SLC5A4: variants seen among roughly 807,000 people sequenced by gnomAD.
SLC5A4 encodes probable glucose sensor protein SLC5A4.
SLC5A4 carries 55 observed loss-of-function variants against 70.3 expected under a neutral mutation model. That is an observed-to-expected ratio of 0.78 (90% CI 0.63 to 0.98). The LOEUF (loss-of-function observed/expected upper bound fraction) is 0.98, where lower values mean the gene tolerates loss of function less well. Among genes scored for constraint, SLC5A4 ranks in the 50% least tolerant of loss-of-function variants. The pLI is 0.00. For synonymous variants in SLC5A4, 268 were observed against 305.7 expected (o/e 0.88, Z 1.29); for missense variants, 735 against 839.2 (o/e 0.88, Z 1.53).
At chr22:32,268,324 C>T in the SLC5A4 span, 7 of 152,076 alleles carry the variant, frequency 4.6e-5, no homozygotes, top group East Asian at 1.9e-4. Context: ...AGAAGCGAGT[C>T]GATGTCTCAT....
At chr22:32,278,530 G>A in the SLC5A4 span, among the ~76,000 whole-genome samples, 1 of 152,020 alleles carries the variant, frequency 6.6e-6, no homozygotes. Context: ...GTTTTGTTTT[G>A]GTTAGAAAAT....
chr22:32,253,768 A>G (rs1196887610), intron 2 of SLC5A4, among the ~76,000 whole-genome samples: 2 of 151,514 alleles, frequency 1.3e-5, no homozygotes, highest in African/African-American at 4.9e-5. Flanking sequence ...CAACATTCCC[A>G]ATGTTGTCTA....
chr22:32,340,211 A>G, the SLC5A4 span, among the ~76,000 whole-genome samples: 3 of 152,198 alleles, frequency 2.0e-5, no homozygotes, highest in Non-Finnish European at 2.9e-5. Context: ...GGGAGGCTAA[A>G]TGGCACAATT....
chr22:32,235,853 G>A (rs1460328477), intron 7 of SLC5A4, among the ~76,000 whole-genome samples: 1 of 152,170 alleles, frequency 6.6e-6, no homozygotes, highest in Non-Finnish European at 1.5e-5. Context: ...TTAGCTGAAG[G>A]ACTACTATGC....
At chr22:32,249,247 C>G (rs140600947) in intron 3 of SLC5A4, among the ~76,000 whole-genome samples, 1 of 152,170 alleles carries the variant, frequency 6.6e-6, no homozygotes, top group South Asian at 2.1e-4. Flanking sequence ...AGAGAGTCTT[C>G]ACATAGATCA....
chr22:32,218,538 G>C lies in SLC5A4; in HGVS notation c.1956C>G (p.Val652=). 6.3e-7 allele frequency: 1 copy of C among 1,584,584 alleles called. No individual in the cohort carries two copies. The highest frequency in any genetic ancestry group is 8.6e-7 in the Non-Finnish European group (1 of 1,163,714). ...TTCAGGCATAGTAGCCGTGAATAAA[G>C]ACCACCACAGCCAGGAGGAGGATGG... ...INAILLLAVV[V]FIHGYYA Residue 652 remains valine, a synonymous_variant, in exon 15 of 15, where the codon GTC becomes GTG. Coordinates refer to ENST00000266086, the MANE Select transcript of SLC5A4 (RefSeq NM_014227.3).
the SLC5A4 span, among the ~76,000 whole-genome samples, chr22:32,338,262 C>T: frequency 2.0e-5 from 3 of 152,172 alleles, no homozygotes; most frequent in African/African-American, 4.8e-5. Flanking sequence ...CTTCAAACCT[C>T]AACTGTCCTG....
chr22:32,239,364 T>C (rs538175889), intron 5 of SLC5A4, among the ~76,000 whole-genome samples: 28 of 150,402 alleles, frequency 1.9e-4, no homozygotes, highest in African/African-American at 6.3e-4. Context: ...GAACTTTTTC[T>C]GTATCATGAG....
the SLC5A4 span, among the ~76,000 whole-genome samples, chr22:32,282,883 C>T: frequency 6.6e-6 from 1 of 152,224 alleles, no homozygotes; most frequent in Non-Finnish European, 1.5e-5. Context: ...CTGATGGCTT[C>T]TCTCCACCCG....
the SLC5A4 span, among the ~76,000 whole-genome samples, chr22:32,326,268 G>A: frequency 2.4e-4 from 33 of 137,294 alleles, no homozygotes; most frequent in African/African-American, 4.2e-4. Context: ...GAGCCTTCAC[G>A]TATTTTTTTT....
At chr22:32,273,575 G>T in the SLC5A4 span, 1 of 152,296 alleles carries the variant, frequency 6.6e-6, no homozygotes, top group Non-Finnish European at 1.5e-5. Context: ...ATGTTTATTT[G>T]TATGCATCTA....
intron 3 of SLC5A4, among the ~76,000 whole-genome samples, chr22:32,249,830 C>A (rs1927038139): frequency 6.6e-6 from 1 of 152,206 alleles, no homozygotes; most frequent in South Asian, 2.1e-4. Context: ...ACTTGTCCAA[C>A]CTGTGGCCCA....
chr22:32,267,927 A>G, the SLC5A4 span, among the ~76,000 whole-genome samples: 1 of 152,232 alleles, frequency 6.6e-6, no homozygotes, highest in South Asian at 2.1e-4. Flanking sequence ...GATTGAGACC[A>G]TCCTGGCTAA....
At chr22:32,304,752 TTCTC>T in the SLC5A4 span, among the ~76,000 whole-genome samples, 10 of 152,356 alleles carry the variant, frequency 6.6e-5, no homozygotes, top group South Asian at 1.7e-3. Flanking sequence ...AACTTATCAA[TTCTC>T]TCTTTCATAG....
chr22:32,306,310 A>T, the SLC5A4 span, among the ~76,000 whole-genome samples: 1 of 140,800 alleles, frequency 7.1e-6, no homozygotes, highest in Non-Finnish European at 1.5e-5. Flanking sequence ...CTAAAAATAC[A>T]AAAAATTAGC....
the SLC5A4 span, among the ~76,000 whole-genome samples, chr22:32,354,732 A>G: frequency 6.6e-6 from 1 of 151,870 alleles, no homozygotes; most frequent in Non-Finnish European, 1.5e-5. Context: ...ACCACATCCA[A>G]CCAGCCTCCT....
intron 8 of SLC5A4, 64 bp downstream of exon 8, chr22:32,234,809 T>C: frequency 1.7e-6 from 2 of 1,171,698 alleles, no homozygotes; most frequent in East Asian, 2.3e-5. Flanking sequence ...AACAAGCACA[T>C]GCACACATAC....
chr22:32,300,332 C>G, the SLC5A4 span, among the ~76,000 whole-genome samples: 1 of 151,452 alleles, frequency 6.6e-6, no homozygotes, highest in Non-Finnish European at 1.5e-5. Context: ...GTAGGACCCT[C>G]TGAGCCAGGT....
In SLC5A4 at chr22:32,238,627, T is replaced by C. The variant is rs116685921; in HGVS notation, c.583+358A>G. Among the ~76,000 whole-genome samples the C allele has an allele frequency of 8.5e-3, 1,301 of 152,278 alleles. 20 individuals are homozygous for C. Among genetic ancestry groups the C allele is most frequent in the African/African-American group, 0.03 (1,247 of 41,548 alleles). On this transcript the variant is annotated intron_variant, in intron 6 of 14. Transcript: ENST00000266086. Reference sequence around the variant, plus strand: ...TGGCATCCTGTGTTCATTTGAACCTTGCCTTTCATTTGCTAGTCTCCTATC... The same window carrying C: ...TGGCATCCTGTGTTCATTTGAACCTCGCCTTTCATTTGCTAGTCTCCTATC...
Sources: allele counts gnomAD v4.1 joint callset (sites outside exome capture counted in the v4.1 genomes callset), GRCh38; gene constraint gnomAD v4.1.1; transcripts MANE v1.5; gene names NCBI Gene and HGNC (gene_info 2026-07-23, HGNC 2026-07-21).